Variants in PPEF2 observed in about 807,000 individuals in gnomAD.
The protein encoded by PPEF2 is serine/threonine-protein phosphatase with EF-hands 2.
A neutral mutation model predicts 84.7 loss-of-function variants in PPEF2; 84 were observed. The observed-to-expected ratio is 0.99, with a 90% CI of 0.83 to 1.19. The LOEUF is 1.19. PPEF2 is among the 50% of genes most tolerant of loss of function. PPEF2 has a pLI of 0.00. For synonymous variants in PPEF2, 346 were observed against 345.2 expected (o/e 1.00, Z -0.03); for missense variants, 924 against 937.5 (o/e 0.99, Z 0.19).
At chr4:75,892,576 TG>T (rs2056464678) in intron 2 of PPEF2, among the ~76,000 whole-genome samples, 1 of 152,164 alleles carries the variant, frequency 6.6e-6, no homozygotes, top group Non-Finnish European at 1.5e-5. Flanking sequence ...GGGTAGCAAC[TG>T]TGTCCCAGCT....
chr4:75,891,935 G>A lies in PPEF2; in HGVS notation c.99C>T (p.Tyr33=), dbSNP rs375738589. ...GCCGCCTCATCTCCAGGCGGGCCAC[G>A]TAGCGCCGGTACCATCTCTGGATCA... The part of the protein sequence containing the change: ...AALIQRWYRR[Y]VARLEMRRRC... Residue 33 remains tyrosine, a synonymous_variant, in exon 3 of 17, where the codon TAC becomes TAT. Coordinates refer to ENST00000286719, the MANE Select transcript of PPEF2 (RefSeq NM_006239.3). 69 of 1,614,016 alleles carry A rather than the reference G, an allele frequency of 4.3e-5. No individual in the cohort carries two copies. The highest frequency in any genetic ancestry group is 1.3e-4 in the African/African-American group (10 of 74,920).
At chr4:75,881,001 C>T (rs1026794162) in intron 10 of PPEF2, among the ~76,000 whole-genome samples, 1 of 151,640 alleles carries the variant, frequency 6.6e-6, no homozygotes, top group Non-Finnish European at 1.5e-5. Context: ...GGGGTTTCAC[C>T]ATGTTGGCCA....
chr4:75,895,286 G>C (rs929099912), intron 2 of PPEF2, among the ~76,000 whole-genome samples: 1 of 151,748 alleles, frequency 6.6e-6, no homozygotes, highest in Non-Finnish European at 1.5e-5. Flanking sequence ...AAAATTAGCC[G>C]GGCATGGTGG....
intron 15 of PPEF2, 82 bp from the exon 16 acceptor site, chr4:75,864,609 C>T (rs1039047881): frequency 1.0e-5 from 11 of 1,090,392 alleles, no homozygotes; most frequent in African/African-American, 1.6e-5. Context: ...TCAACCCTGA[C>T]AATCACACAT....
intron 13 of PPEF2, among the ~76,000 whole-genome samples, chr4:75,867,961 A>G (rs989431762): frequency 2.0e-5 from 3 of 152,170 alleles, no homozygotes; most frequent in Non-Finnish European, 4.4e-5. Flanking sequence ...AATGCTGGGC[A>G]CAGTACTTGG....
intron 11 of PPEF2, among the ~76,000 whole-genome samples, chr4:75,875,458 A>C (rs1307966949): frequency 6.6e-6 from 1 of 151,922 alleles, no homozygotes; most frequent in Non-Finnish European, 1.5e-5. Flanking sequence ...AAAATACAAA[A>C]ATTAGCCAGG....
At chr4:75,879,033 C>T (rs78479425) in intron 10 of PPEF2, among the ~76,000 whole-genome samples, 121 of 152,278 alleles carry the variant, frequency 7.9e-4, no homozygotes, top group Middle Eastern at 6.8e-3. Flanking sequence ...ACATTCCTCT[C>T]CTGGTAAGAA....
chr4:75,881,436 T>C (rs966357296), intron 10 of PPEF2: 2 of 152,026 alleles, frequency 1.3e-5, no homozygotes, highest in Non-Finnish European at 2.9e-5. Flanking sequence ...CAAGCATGAT[T>C]GTGTGTGACT....
chr4:75,869,202 T>C (rs1396105030), intron 13 of PPEF2, among the ~76,000 whole-genome samples: 1 of 152,196 alleles, frequency 6.6e-6, no homozygotes, highest in African/African-American at 2.4e-5. Flanking sequence ...TCTGTAGTCA[T>C]GGAGAGTTAT....
intron 2 of PPEF2, among the ~76,000 whole-genome samples, chr4:75,895,109 A>C (rs1031926394): frequency 1.4e-5 from 2 of 147,722 alleles, no homozygotes; most frequent in Middle Eastern, 3.6e-3. Context: ...GGTGCTCGCC[A>C]CCACACCCAG....
At chr4:75,900,043 T>A (rs2149232239) in intron 1 of PPEF2, among the ~76,000 whole-genome samples, 1 of 152,382 alleles carries the variant, frequency 6.6e-6, no homozygotes, top group East Asian at 1.9e-4. Flanking sequence ...AAGTGCTTTC[T>A]ATACAATAAA....
chr4:75,895,885 A>T (rs575701768), intron 2 of PPEF2, among the ~76,000 whole-genome samples: 63 of 105,482 alleles, frequency 6.0e-4, no homozygotes, highest in African/African-American at 8.1e-4. Context: ...CTATTGTTTT[A>T]AAAAAAAAAT....
At chr4:75,891,413 C>A (rs544641542) in intron 4 of PPEF2, among the ~76,000 whole-genome samples, 1 of 152,130 alleles carries the variant, frequency 6.6e-6, no homozygotes, top group Non-Finnish European at 1.5e-5. Flanking sequence ...CTCCCTCCCA[C>A]CCCCAGGGTT....
chr4:75,880,970 T>G (rs1405824733), intron 10 of PPEF2, among the ~76,000 whole-genome samples: 1 of 151,682 alleles, frequency 6.6e-6, no homozygotes, highest in African/African-American at 2.4e-5. Context: ...CGGCTAATTT[T>G]TTTGTATTTT....
intron 10 of PPEF2, among the ~76,000 whole-genome samples, chr4:75,879,527 A>G (rs1245165001): frequency 6.6e-6 from 1 of 152,242 alleles, no homozygotes; most frequent in Non-Finnish European, 1.5e-5. Context: ...ATTAACATTT[A>G]TCCTTATCTT....
chr4:75,875,927 G>A (rs1193935445), intron 11 of PPEF2, among the ~76,000 whole-genome samples: 3 of 152,182 alleles, frequency 2.0e-5, no homozygotes, highest in Non-Finnish European at 4.4e-5. Flanking sequence ...CCTGGTAACA[G>A]AGGAAAGAAG....
chr4:75,876,270 C>T lies in PPEF2; in HGVS notation c.1320+17G>A, dbSNP rs764349272. 2 of 1,571,470 alleles carry T rather than the reference C, an allele frequency of 1.3e-6. No homozygotes were observed. Among genetic ancestry groups the T allele is most frequent in the Non-Finnish European group, 1.7e-6 (2 of 1,158,392 alleles). On this transcript the variant is annotated intron_variant, in intron 11 of 16. Coordinates refer to ENST00000286719, the MANE Select transcript of PPEF2 (RefSeq NM_006239.3). Reference sequence around the variant, plus strand: ...TTGGCAGCCACATGCTAGGAAGCAGCGCCTGGCCACGCTCACCTGCCTCCA... The same window carrying T: ...TTGGCAGCCACATGCTAGGAAGCAGTGCCTGGCCACGCTCACCTGCCTCCA...
chr4:75,860,521 C>A lies in PPEF2; in HGVS notation c.*146G>T. Reference sequence around the variant, plus strand: ...ATACACAACACCCCAACCCACCCCTCCACACTGAAATACACAGGTGATTCT... The same window carrying A: ...ATACACAACACCCCAACCCACCCCTACACACTGAAATACACAGGTGATTCT... On this transcript the variant is annotated 3_prime_UTR_variant, in exon 17 of 17. Coordinates refer to ENST00000286719, the MANE Select transcript of PPEF2 (RefSeq NM_006239.3). 2 of 1,064,562 alleles carry A rather than the reference C, an allele frequency of 1.9e-6. No individual in the cohort carries two copies. Among genetic ancestry groups the A allele is most frequent in the African/African-American group, 1.6e-5 (1 of 62,772 alleles). 65.9% of individuals were successfully genotyped at this position (1,064,562 alleles called of 1,614,324 possible).
Position 75,873,320 on chromosome 4 carries a change from GA to G in PPEF2, c.1321-9del, listed in dbSNP as rs531231074. The G allele has an allele frequency of 2.2e-5, 35 of 1,594,530 alleles. No individual in the cohort carries two copies. In the African/African-American group the frequency reaches 3.6e-4, roughly 17 times the overall value. On this transcript the variant is annotated splice_polypyrimidine_tract_variant and intron_variant, in intron 11 of 16. Transcript: ENST00000286719. The stretch of plus-strand genomic sequence containing the variant: ...CCACAGGATATCTACAACCTGAGAA[GA>G]CCAAGAGATGATTTCCTTCCCAAAA...
Sources: allele counts gnomAD v4.1 joint callset (sites outside exome capture counted in the v4.1 genomes callset), GRCh38; gene constraint gnomAD v4.1.1; transcripts MANE v1.5; gene names NCBI Gene and HGNC (gene_info 2026-07-23, HGNC 2026-07-21).